Variants in MCPH1 observed in about 807,000 individuals in gnomAD.
MCPH1 encodes microcephalin.
A neutral mutation model predicts 84.5 loss-of-function variants in MCPH1; 104 were observed. The observed-to-expected ratio is 1.23, with a 90% confidence interval of 1.05 to 1.45. The LOEUF is 1.45. Among genes scored for constraint, MCPH1 ranks in the 40% most tolerant of loss-of-function variants. The pLI is 0.00. For missense variants in MCPH1, 1,498 were observed against 1,005.7 expected (o/e 1.49, Z -6.62); for synonymous variants, 514 against 366.8 (o/e 1.40, Z -4.58).
chr8:6,444,343 G>C (rs1177413575), intron 7 of MCPH1, 50 bp from the exon 8 acceptor site: 1 of 1,609,930 alleles, frequency 6.2e-7, no homozygotes, highest in South Asian at 1.1e-5. Flanking sequence ...GTTGAATATA[G>C]AATAATTTAA....
At chr8:6,412,094 T>C (rs1285927358) in intron 2 of MCPH1, among the ~76,000 whole-genome samples, 1 of 152,168 alleles carries the variant, frequency 6.6e-6, no homozygotes, top group African/African-American at 2.4e-5. Context: ...TGGGTGCTAC[T>C]GAATACCCTA....
intron 12 of MCPH1, among the ~76,000 whole-genome samples, chr8:6,523,979 T>C (rs1314825924): frequency 6.6e-6 from 1 of 152,058 alleles, no homozygotes; most frequent in Admixed American, 6.5e-5. Flanking sequence ...TCTGTGATAA[T>C]TGCAGGAAAA....
chr8:6,520,308 T>C (rs998376814), intron 12 of MCPH1, among the ~76,000 whole-genome samples: 5 of 152,226 alleles, frequency 3.3e-5, no homozygotes, highest in African/African-American at 1.2e-4. Context: ...ATTATTACTT[T>C]TGAAGATCTT....
chr8:6,526,035 A>G (rs144841952), intron 12 of MCPH1, among the ~76,000 whole-genome samples: 29 of 152,260 alleles, frequency 1.9e-4, no homozygotes, highest in East Asian at 3.9e-4. Flanking sequence ...ACATCATTGT[A>G]TAACAGGCAA....
At chr8:6,418,631 G>A (rs1799664272) in intron 3 of MCPH1, among the ~76,000 whole-genome samples, 2 of 152,002 alleles carry the variant, frequency 1.3e-5, no homozygotes, top group Non-Finnish European at 2.9e-5. Flanking sequence ...TCGCCAGGCT[G>A]GAGTGCAGTG....
In MCPH1 at chr8:6,464,614, C is replaced by T. The variant is rs144912698; in HGVS notation, c.1935+9362C>T. 1.7e-3 allele frequency among the ~76,000 whole-genome samples: 262 copies of T among 152,268 alleles called. 2 individuals are homozygous for T. Among genetic ancestry groups the T allele is most frequent in the African/African-American group, 5.9e-3 (247 of 41,546 alleles). ...GTGCCTCAGTGGTCGTCTTTGGCCA[C>T]GTAAAGGTAGAGGCCACCGACGGAG... On this transcript the variant is annotated intron_variant, in intron 9 of 13. Coordinates refer to ENST00000344683, the MANE Select transcript of MCPH1 (RefSeq NM_024596.5).
intron 12 of MCPH1, among the ~76,000 whole-genome samples, chr8:6,548,299 C>G (rs1254282692): frequency 6.6e-6 from 1 of 152,168 alleles, no homozygotes; most frequent in African/African-American, 2.4e-5. Flanking sequence ...TGACAGGACT[C>G]TACTCGTGCG....
chr8:6,572,399 C>A (rs1481520726), intron 12 of MCPH1, among the ~76,000 whole-genome samples: 3 of 152,174 alleles, frequency 2.0e-5, no homozygotes, highest in African/African-American at 7.2e-5. Context: ...GTAATACTCA[C>A]TAGCTCCCTC....
chr8:6,626,034 A>G, intron 13 of MCPH1: 2 of 985,404 alleles, frequency 2.0e-6, no homozygotes, highest in Non-Finnish European at 2.4e-6. Flanking sequence ...GCATCCGAGC[A>G]CCACAGTCCA....
chr8:6,417,685 C>T (rs1372427812), intron 3 of MCPH1, among the ~76,000 whole-genome samples: 1 of 152,138 alleles, frequency 6.6e-6, no homozygotes, highest in Non-Finnish European at 1.5e-5. Context: ...TGAGATTTCT[C>T]ACCTTTGGTT....
At chr8:6,591,193 G>A (rs888600699) in intron 12 of MCPH1, among the ~76,000 whole-genome samples, 3 of 152,214 alleles carry the variant, frequency 2.0e-5, no homozygotes, top group Admixed American at 6.5e-5. Flanking sequence ...CACCACGACC[G>A]GCCAAGGCCT....
rs1805476969 is a variant in MCPH1 at position 6,454,583 on chromosome 8, G to C, written c.1826-560G>C. 1.3e-5 allele frequency among the ~76,000 whole-genome samples: 2 copies of C among 152,168 alleles called. 1 individual carries two copies. ...TAGGTCTACAGAGGTTAGCATCTAA[G>C]GAAACCACATTTCACTTGAATGAGT... On this transcript the variant is annotated intron_variant, in intron 8 of 13. Transcript: ENST00000344683.
At chr8:6,613,210 A>G (rs1563189774) in intron 12 of MCPH1, among the ~76,000 whole-genome samples, 2 of 152,130 alleles carry the variant, frequency 1.3e-5, no homozygotes, top group Non-Finnish European at 2.9e-5. Context: ...TGAGCGTGAG[A>G]AAGGGCTTAT....
rs568365803 is a variant in MCPH1, at chr8:6,415,183, G to A, written c.233+300G>A. Among the ~76,000 whole-genome samples, 203 of 152,180 alleles carry A rather than the reference G, an allele frequency of 1.3e-3. 1 individual carries two copies. The highest frequency in any genetic ancestry group is 0.01 in the Middle Eastern group (3 of 294). On this transcript the variant is annotated intron_variant, in intron 3 of 13. Transcript: ENST00000344683. ...AAGCAGATTGTGTTAGTCAGCAAGC[G>A]CTGCTGTAACAAAGGACCACAGAAT... is the stretch of plus-strand genomic sequence containing the variant.
intron 13 of MCPH1, chr8:6,626,821 C>G (rs1796750612): frequency 2.0e-6 from 2 of 985,248 alleles, no homozygotes; most frequent in Non-Finnish European, 2.4e-6. Flanking sequence ...GCTCTGTGCA[C>G]TCTTCCCTCC....
chr8:6,437,136 C>A (rs1802771676), intron 5 of MCPH1, among the ~76,000 whole-genome samples: 1 of 152,032 alleles, frequency 6.6e-6, no homozygotes, highest in Non-Finnish European at 1.5e-5. Context: ...AGCATTAATT[C>A]CTCTAGTTTT....
intron 3 of MCPH1, among the ~76,000 whole-genome samples, chr8:6,423,013 G>C (rs1800466576): frequency 6.6e-6 from 1 of 150,972 alleles, no homozygotes; most frequent in South Asian, 2.1e-4. Context: ...AGGAGAGACA[G>C]GGTTTCACCA....
intron 12 of MCPH1, chr8:6,502,652 G>A (rs1812421421): frequency 6.5e-6 from 1 of 153,426 alleles, no homozygotes; most frequent in Admixed American, 6.5e-5. Flanking sequence ...CCTTTTAATT[G>A]TGATAGTGAT....
Position 6,414,936 on chromosome 8 carries a change from T to G in MCPH1, c.233+53T>G, listed in dbSNP as rs2305021. The G allele has an allele frequency of 0.21, 332,759 of 1,579,604 alleles. 37,932 individuals are homozygous for G. Among genetic ancestry groups the G allele is most frequent in the African/African-American group, 0.42 (31,316 of 73,806 alleles). ...CCTTAAGTATCTAGTATTGAAAATG[T>G]GTGGAGATATTTTTCACAGATCGCA... On this transcript the variant is annotated intron_variant, in intron 3 of 13. Transcript: ENST00000344683.
Sources: allele counts gnomAD v4.1 joint callset (sites outside exome capture counted in the v4.1 genomes callset), GRCh38; gene constraint gnomAD v4.1.1; transcripts MANE v1.5; gene names NCBI Gene and HGNC (gene_info 2026-07-23, HGNC 2026-07-21).